NAV2: variants seen among roughly 807,000 people sequenced by gnomAD.
NAV2 encodes helicase, APC down-regulated 1.
In NAV2, 54 loss-of-function variants were observed where a neutral mutation model predicts 223.2. The ratio of observed to expected loss-of-function variants is 0.24; its 90% CI spans 0.19 to 0.30. The LOEUF (loss-of-function observed/expected upper bound fraction) is 0.30, where lower values mean the gene tolerates loss of function less well. Ranked by LOEUF, NAV2 falls within the 10% of genes least tolerant of loss-of-function variation. NAV2 has a pLI of 1.00. For missense variants in NAV2, 2,806 were observed against 3,147.5 expected (o/e 0.89, Z 2.60); for synonymous variants, 1,279 against 1,239.3 (o/e 1.03, Z -0.67).
chr11:20,022,258 C>T (rs1034647784), intron 11 of NAV2, among the ~76,000 whole-genome samples: 3 of 152,188 alleles, frequency 2.0e-5, no homozygotes, highest in African/African-American at 7.2e-5. Context: ...ATAGTTCTTT[C>T]TGAGTGCCTT....
At chr11:19,544,626 C>G (rs1779438804) in intron 1 of NAV2, among the ~76,000 whole-genome samples, 1 of 152,182 alleles carries the variant, frequency 6.6e-6, no homozygotes, top group Non-Finnish European at 1.5e-5. Context: ...CTGGAAGAAA[C>G]AGGGTGTACT....
At chr11:19,619,310 T>C (rs2046911197) in intron 1 of NAV2, among the ~76,000 whole-genome samples, 1 of 152,118 alleles carries the variant, frequency 6.6e-6, no homozygotes, top group African/African-American at 2.4e-5. Flanking sequence ...GTATTTCTAG[T>C]TCTAGATCCT....
intron 8 of NAV2, among the ~76,000 whole-genome samples, chr11:19,944,030 T>A (rs1744065963): frequency 6.6e-6 from 1 of 151,762 alleles, no homozygotes; most frequent in Non-Finnish European, 1.5e-5. Context: ...AAACCCTGTA[T>A]CTACTAAAAA....
upstream of NAV2, among the ~76,000 whole-genome samples, chr11:19,709,786 CG>C (rs1367072305): frequency 6.6e-6 from 1 of 151,210 alleles, no homozygotes; most frequent in African/African-American, 2.4e-5. Context: ...GAGCAAAACT[CG>C]GTCACAAAAA....
At chr11:19,723,759 G>C (rs1462078328) in intron 1 of NAV2, among the ~76,000 whole-genome samples, 1 of 152,212 alleles carries the variant, frequency 6.6e-6, no homozygotes, top group South Asian at 2.1e-4. Context: ...GCCCAGCAGG[G>C]TCCATGTGCC....
rs1455039808 is a variant in NAV2, at chr11:19,774,643, G to T, written c.268-57841G>T. On this transcript the variant is annotated intron_variant, in intron 1 of 37. Coordinates refer to ENST00000349880, the MANE Select transcript of NAV2 (RefSeq NM_145117.5). ...AGAGAGAGACACATACCCCAGACAA[G>T]GAATCCTCCCTGATTCTCAACACCC... is the stretch of plus-strand genomic sequence containing the variant. Among the ~76,000 whole-genome samples the T allele has an allele frequency of 3.3e-5, 5 of 152,298 alleles. No homozygotes were observed. In the Middle Eastern group the frequency reaches 0.014, roughly 414 times the overall value.
At chr11:20,101,530 AT>A (rs2061639974) in intron 32 of NAV2, among the ~76,000 whole-genome samples, 1 of 152,220 alleles carries the variant, frequency 6.6e-6, no homozygotes, top group Admixed American at 6.5e-5. Flanking sequence ...AATAAAAATA[AT>A]AGAAGCCCAC....
chr11:20,070,850 T>C (rs11025369), intron 22 of NAV2, among the ~76,000 whole-genome samples: 84,388 of 151,984 alleles, frequency 0.56, 24,250 homozygotes, highest in East Asian at 0.92. Flanking sequence ...AACCCTTTTG[T>C]TTAGCAGAAA....
At chr11:19,850,634 T>A (rs2152974366) in intron 3 of NAV2, among the ~76,000 whole-genome samples, 1 of 152,346 alleles carries the variant, frequency 6.6e-6, no homozygotes, top group Middle Eastern at 3.4e-3. Context: ...CCCTAATTCT[T>A]TTCTTCCTCA....
chr11:19,386,450 C>G (rs1300533841), intron 1 of NAV2, among the ~76,000 whole-genome samples: 1 of 152,158 alleles, frequency 6.6e-6, no homozygotes, highest in Non-Finnish European at 1.5e-5. Context: ...TATAAACATC[C>G]TGGCATGTAA....
intron 1 of NAV2, among the ~76,000 whole-genome samples, chr11:19,387,054 A>G (rs1445246773): frequency 6.6e-6 from 1 of 152,166 alleles, no homozygotes; most frequent in Non-Finnish European, 1.5e-5. Flanking sequence ...TTCCATTTCA[A>G]AATTTTCTTT....
intron 1 of NAV2, among the ~76,000 whole-genome samples, chr11:19,592,327 C>T (rs1327198401): frequency 2.0e-5 from 3 of 152,222 alleles, no homozygotes; most frequent in East Asian, 1.9e-4. Context: ...TGCATCACTG[C>T]CTTCTTTCCA....
chr11:19,824,382 C>A (rs1165158335), intron 1 of NAV2, among the ~76,000 whole-genome samples: 2 of 152,152 alleles, frequency 1.3e-5, no homozygotes, highest in South Asian at 4.1e-4. Flanking sequence ...CAGAAGATGG[C>A]AAGGATGGGG....
chr11:19,621,868 T>C (rs1037126992), intron 1 of NAV2, among the ~76,000 whole-genome samples: 1 of 152,220 alleles, frequency 6.6e-6, no homozygotes, highest in Non-Finnish European at 1.5e-5. Flanking sequence ...TTTTAGATCT[T>C]TCCTGCTTTC....
chr11:19,587,101 C>A (rs1217126778), intron 1 of NAV2, among the ~76,000 whole-genome samples: 1 of 152,198 alleles, frequency 6.6e-6, no homozygotes, highest in Admixed American at 6.5e-5. Flanking sequence ...CCCAGCCTTG[C>A]TGCCGCCTTG....
intron 11 of NAV2, among the ~76,000 whole-genome samples, chr11:20,011,812 G>A (rs2053582287): frequency 1.3e-5 from 2 of 152,232 alleles, no homozygotes; most frequent in South Asian, 4.1e-4. Flanking sequence ...CTATGTGGCG[G>A]AGCCATAATT....
intron 1 of NAV2, among the ~76,000 whole-genome samples, chr11:19,625,477 A>G (rs1005039365): frequency 1.2e-4 from 19 of 152,196 alleles, no homozygotes; most frequent in Admixed American, 9.2e-4. Context: ...GGTTGATTCC[A>G]TAACTTAGCT....
intron 11 of NAV2, among the ~76,000 whole-genome samples, chr11:20,032,347 G>A (rs908820322): frequency 3.3e-5 from 5 of 152,202 alleles, no homozygotes; most frequent in African/African-American, 1.2e-4. Context: ...CAGTGCTCCA[G>A]GCACTGATAT....
intron 19 of NAV2, chr11:20,056,445 G>T: frequency 1.1e-6 from 1 of 939,972 alleles, no homozygotes; most frequent in Non-Finnish European, 1.7e-6. Context: ...TAAGTGTATT[G>T]TTTTCAGTTA....
Sources: gnomAD v4.1 joint callset for allele counts (sites outside exome capture counted in the v4.1 genomes callset) on GRCh38, gnomAD v4.1.1 for gene constraint, MANE v1.5 for transcripts, NCBI Gene and HGNC (gene_info 2026-07-23, HGNC 2026-07-21) for gene names.